INF2: variants seen among roughly 807,000 people sequenced by gnomAD.
The protein encoded by INF2 is inverted formin-2.
Under a neutral mutation model 123.5 loss-of-function variants are expected in INF2, and 43 were observed. The ratio of observed to expected loss-of-function variants is 0.35; its 90% CI spans 0.27 to 0.45. The LOEUF (loss-of-function observed/expected upper bound fraction) is 0.45. Ranked by LOEUF, INF2 falls within the 20% of genes least tolerant of loss-of-function variation. The pLI, the probability that INF2 is intolerant of heterozygous loss-of-function variation, is 1.00. For synonymous variants in INF2, 851 were observed against 745.0 expected, an observed-to-expected ratio of 1.14 and a Z score of -2.32; for missense variants, 1,453 against 1,682.7, an observed-to-expected ratio of 0.86 and a Z score of 2.39.
chr14:104,707,103 G>A, intron 7 of INF2, 52 bp downstream of exon 7: 2 of 1,539,308 alleles, frequency 1.3e-6, no homozygotes, highest in Non-Finnish European at 1.7e-6. Flanking sequence ...AGACACTGAG[G>A]TCTTAGACCA....
chr14:104,693,408 G>A (rs1408009828), intron 1 of INF2, among the ~76,000 whole-genome samples: 1 of 152,206 alleles, frequency 6.6e-6, no homozygotes, highest in Non-Finnish European at 1.5e-5. Context: ...CACACTGGGG[G>A]CGGAGGGCAG....
rs371487757 is a variant in INF2 at position 104,708,619 on chromosome 14, C to T, written c.1887+32C>T. 8.7e-6 allele frequency: 14 copies of T among 1,612,538 alleles called. No homozygotes were observed. The East Asian group carries it at 1.1e-4, about 13-fold the overall frequency. ...ACGGGGAGGGGACTCAGACCGGGGC[C>T]GCCTGCCTGGCCACCCTCCGGTACC... On this transcript the variant is annotated intron_variant, in intron 9 of 22. Transcript: ENST00000392634.
At position 104,707,732 on chromosome 14, in the gene INF2, C is replaced by A; in HGVS notation, c.1465C>A (p.Pro489Thr). The A allele has an allele frequency of 7.5e-7, 1 of 1,341,984 alleles. No individual in the cohort carries two copies. Among genetic ancestry groups the A allele is most frequent in the Non-Finnish European group, 1.0e-6 (1 of 972,138 alleles). 83.1% of individuals were successfully genotyped at this position (1,341,984 alleles called of 1,614,324 possible). The change falls in exon 8 of 23, where the codon CCA (proline) becomes ACA (threonine). Residue 489 changes from proline (P) to threonine (T), a missense_variant. By Grantham distance (38) the Pro-to-Thr change is conservative. This residue lies in a region of INF2 where 374 missense variants were observed against 303.7 expected (regional missense o/e 1.23). Coordinates refer to ENST00000392634, the MANE Select transcript of INF2 (RefSeq NM_022489.4). ...PLPGSCEFLP[P>T]PPPPLPGLGC... ...GCCAGGCTCCTGTGAGTTCCTGCCC[C>A]CACCACCTCCACCACTCCCGGGCTT...
chr14:104,712,393 C>T (rs1385293025), intron 16 of INF2, 40 bp from the exon 17 acceptor site: 2 of 1,610,748 alleles, frequency 1.2e-6, no homozygotes, highest in South Asian at 1.1e-5. Flanking sequence ...AGGCTGACGT[C>T]AGCCGTTGCT....
At position 104,712,538 on chromosome 14, in the gene INF2, C is replaced by T. The variant is rs1244556036; in HGVS notation, c.2595C>T (p.Tyr865=). ...SASVAEVQEQ[Y]TERLQASISA... ...CCGTGGCCGAGGTCCAGGAGCAGTA[C>T]ACCGAGCGCCTCCAGGCAAGTGGGC... The change falls in exon 17 of 23, where the codon TAC becomes TAT. Residue 865 remains tyrosine, a synonymous_variant. Transcript: ENST00000392634. The T allele has an allele frequency of 1.6e-5, 26 of 1,612,654 alleles. No homozygotes were observed. Among genetic ancestry groups the T allele is most frequent in the Non-Finnish European group, 2.1e-5 (25 of 1,179,804 alleles).
At chr14:104,709,726 A>T in intron 12 of INF2, 21 bp downstream of exon 12, 1 of 1,601,998 alleles carries the variant, frequency 6.2e-7, no homozygotes, top group Non-Finnish European at 8.5e-7. Context: ...CCGCCCTCAG[A>T]CCCCAGGGCC....
intron 13 of INF2, chr14:104,710,654 G>A: frequency 3.6e-6 from 2 of 552,450 alleles, no homozygotes; most frequent in Non-Finnish European, 6.5e-6. Flanking sequence ...ATCTCTGAAA[G>A]GGGAATCCAT....
At chr14:104,714,902 G>T in intron 21 of INF2, 46 bp downstream of exon 21, 3 of 1,475,636 alleles carry the variant, frequency 2.0e-6, no homozygotes, top group South Asian at 1.4e-5. Context: ...CCAGGGCGCT[G>T]GCACCCAGCC....
Position 104,707,698 on chromosome 14 carries a change from A to T in INF2, c.1431A>T (p.Pro477=). The T allele has an allele frequency of 1.5e-6, 1 of 659,222 alleles. No homozygotes were observed. Among genetic ancestry groups the T allele is most frequent in the Non-Finnish European group, 2.1e-6 (1 of 472,982 alleles). 40.8% of individuals were successfully genotyped at this position (659,222 alleles called of 1,614,324 possible). A position where few individuals can be genotyped will look rare whatever the true frequency, so the allele number is the denominator to read the frequency against. The change falls in exon 8 of 23, where the codon CCA becomes CCT. Residue 477 remains proline, a synonymous_variant. Coordinates refer to ENST00000392634, the MANE Select transcript of INF2 (RefSeq NM_022489.4). ...GAMAPPAPPL[P]PPLPGSCEFL... ...TGGCCCCCCCAGCACCTCCTCTACC[A>T]CCACCCCTGCCAGGCTCCTGTGAGT...
intron 1 of INF2, among the ~76,000 whole-genome samples, chr14:104,682,254 G>T (rs1888542525): frequency 6.6e-6 from 1 of 152,184 alleles, no homozygotes; most frequent in Non-Finnish European, 1.5e-5. Context: ...GACAGGGAGG[G>T]CCTAGGGGCT....
rs1458294057 is a variant in INF2, at chr14:104,714,341, C to T, written c.3179C>T (p.Thr1060Ile). Reference sequence around the variant, plus strand: ...GCCGTGACCCCCGGCCCTCAGCCCACCCTGGAGCAGTTGGAGGAGGGTGGT... The same window carrying T: ...GCCGTGACCCCCGGCCCTCAGCCCATCCTGGAGCAGTTGGAGGAGGGTGGT... ...VDAVTPGPQP[T>I]LEQLEEGGPR... The change falls in exon 21 of 23, where the codon ACC becomes ATC. Residue 1060 changes from threonine to isoleucine, a missense_variant. Around this residue, in one of 8 missense-constraint regions of INF2, gnomAD observed 344 missense variants for 333.1 expected, o/e 1.03. Coordinates refer to ENST00000392634, the MANE Select transcript of INF2 (RefSeq NM_022489.4). 3 of 1,594,762 alleles carry T rather than the reference C, an allele frequency of 1.9e-6. No homozygotes were observed. The highest frequency in any genetic ancestry group is 2.6e-6 in the Non-Finnish European group (3 of 1,171,434).
rs750267250 is a variant in INF2 at position 104,708,504 on chromosome 14, A to C, written c.1804A>C (p.Ile602Leu). 1 of 1,612,396 alleles carries C rather than the reference A, an allele frequency of 6.2e-7. No homozygotes were observed. The highest frequency in any genetic ancestry group is 8.5e-7 in the Non-Finnish European group (1 of 1,179,778). The change falls in exon 9 of 23, where the codon ATC (isoleucine) becomes CTC (leucine). Residue 602 changes from isoleucine to leucine, a missense_variant. Physicochemically the swap from Ile to Leu is conservative, Grantham distance 5. Around this residue, in one of 8 missense-constraint regions of INF2, gnomAD observed 192 missense variants for 274.4 expected, o/e 0.70. Coordinates refer to ENST00000392634, the MANE Select transcript of INF2 (RefSeq NM_022489.4). ...AEAVEPDFSSIERLFSFPAAK... is the reference protein window; with the variant it reads ...AEAVEPDFSSLERLFSFPAAK... ...GGCTGTGGAGCCCGACTTCTCCAGC[A>C]TCGAGCGACTATTCTCCTTCCCTGC...
Position 104,699,905 on chromosome 14 carries a change from A to G in INF2, c.-9-1452A>G, listed in dbSNP as rs949429650. Among the ~76,000 whole-genome samples, 2 of 152,116 alleles carry G rather than the reference A, an allele frequency of 1.3e-5. No homozygotes were observed. The highest frequency in any genetic ancestry group is 4.8e-5 in the African/African-American group (2 of 41,410). On this transcript the variant is annotated intron_variant, in intron 1 of 22. Transcript: ENST00000392634. The surrounding 1 kb of genome is among the most constrained non-coding windows in gnomAD (Gnocchi z 4.7). Reference sequence around the variant, plus strand: ...ACCTGTCAGGCTGCCTCCTGGAAGGAGCCCACTGGCCCCCTGGGGCAGTTG... The same window carrying G: ...ACCTGTCAGGCTGCCTCCTGGAAGGGGCCCACTGGCCCCCTGGGGCAGTTG...
intron 1 of INF2, among the ~76,000 whole-genome samples, chr14:104,694,443 T>C (rs1007700446): frequency 3.9e-5 from 6 of 152,198 alleles, no homozygotes; most frequent in African/African-American, 9.7e-5. Flanking sequence ...GGAAGATTCA[T>C]GCAACGTCCT....
At chr14:104,708,277 CAGGT>C in intron 8 of INF2, 155 bp from the exon 9 acceptor site, 2 of 973,534 alleles carry the variant, frequency 2.1e-6, no homozygotes, top group Non-Finnish European at 3.0e-6. Context: ...TACAGGTGCT[CAGGT>C]AGGGAGGTAG....
chr14:104,692,251 G>A (rs554708974), intron 1 of INF2, among the ~76,000 whole-genome samples: 4 of 152,246 alleles, frequency 2.6e-5, no homozygotes, highest in African/African-American at 9.6e-5. Context: ...TCCTGCAGGA[G>A]CGTTCATTTC....
Position 104,712,695 on chromosome 14 carries a change from C to G in INF2, c.2611-133C>G, listed in dbSNP as rs1018049725. 1.2e-5 allele frequency: 18 copies of G among 1,480,350 alleles called. No homozygotes were observed. The African/African-American group carries it at 2.4e-4, about 19-fold the overall frequency. The allele number at this position is 1,480,350 out of a possible 1,614,324, so 91.7% of individuals were successfully genotyped here. A position where few individuals can be genotyped will look rare whatever the true frequency, so the allele number is the denominator to read the frequency against. The stretch of plus-strand genomic sequence containing the variant: ...AGGTGTGCATGGTCAGGGCACAGGC[C>G]CCTGCTCCTTGTCAGAGACCACCGT... On this transcript the variant is annotated intron_variant, in intron 17 of 22. Coordinates refer to ENST00000392634, the MANE Select transcript of INF2 (RefSeq NM_022489.4).
intron 22 of INF2, among the ~76,000 whole-genome samples, chr14:104,717,959 CA>C (rs1165537446): frequency 4.6e-5 from 7 of 152,208 alleles, no homozygotes; most frequent in Admixed American, 4.6e-4. Context: ...TGATGGGGAC[CA>C]GCGGGGGCCC....
At chr14:104,712,263 T>C (rs1247127956) in intron 16 of INF2, among the ~76,000 whole-genome samples, 170 bp from the exon 17 acceptor site, 1 of 152,122 alleles carries the variant, frequency 6.6e-6, no homozygotes, top group Non-Finnish European at 1.5e-5. Flanking sequence ...CACAGGGGGC[T>C]GAGGGTCAGC....
Sources: allele counts gnomAD v4.1 joint callset (sites outside exome capture counted in the v4.1 genomes callset), GRCh38; gene constraint gnomAD v4.1.1; regional missense constraint gnomAD v4.1.1; non-coding constraint Gnocchi (gnomAD v3.1); transcripts MANE v1.5; gene names NCBI Gene and HGNC (gene_info 2026-07-23, HGNC 2026-07-21).